The following ARHGAP24 variants were observed in gnomAD, a reference collection of about 807,000 sequenced individuals.
ARHGAP24 encodes the protein rho GTPase-activating protein 24.
ARHGAP24 carries 50 observed loss-of-function variants against 76.4 expected under a neutral mutation model. The observed-to-expected ratio is 0.65, with a 90% CI of 0.52 to 0.83. The LOEUF is 0.83. Among genes scored for constraint, ARHGAP24 ranks in the 40% least tolerant of loss-of-function variants. The probability of loss-of-function intolerance (pLI) is 0.00; values close to 1 mark genes in which losing one functional copy is unlikely to be tolerated. For synonymous variants in ARHGAP24, 345 were observed against 323.3 expected (o/e 1.07, Z -0.72); for missense variants, 930 against 914.2 (o/e 1.02, Z -0.22).
chr4:85,649,839 A>T (rs1721867863), intron 2 of ARHGAP24, among the ~76,000 whole-genome samples: 1 of 152,176 alleles, frequency 6.6e-6, no homozygotes, highest in African/African-American at 2.4e-5. Context: ...TTGTTATTTA[A>T]TAATGATCTT....
intron 3 of ARHGAP24, among the ~76,000 whole-genome samples, chr4:85,895,793 A>G (rs1355105609): frequency 1.3e-5 from 2 of 152,190 alleles, no homozygotes; most frequent in Non-Finnish European, 2.9e-5. Flanking sequence ...AGCCAGCTTC[A>G]GTGCTATTAG....
intron 3 of ARHGAP24, among the ~76,000 whole-genome samples, chr4:85,745,442 A>G (rs1725995587): frequency 1.5e-5 from 2 of 137,524 alleles, no homozygotes; most frequent in South Asian, 4.7e-4. Context: ...ATATACACAT[A>G]TGCTGGGCAT....
intron 6 of ARHGAP24, among the ~76,000 whole-genome samples, chr4:85,972,857 A>G (rs1329297223): frequency 2.6e-5 from 4 of 152,090 alleles, no homozygotes; most frequent in African/African-American, 9.7e-5. Flanking sequence ...GTGTGTGTGC[A>G]CGATTGGCTT....
intron 3 of ARHGAP24, among the ~76,000 whole-genome samples, chr4:85,770,288 C>T (rs1369584569): frequency 6.6e-6 from 1 of 152,136 alleles, no homozygotes. Context: ...AATCTTAATC[C>T]TCAGTGTGTT....
intron 2 of ARHGAP24, among the ~76,000 whole-genome samples, chr4:85,629,176 T>C (rs1371604754): frequency 5.9e-5 from 9 of 152,308 alleles, no homozygotes; most frequent in East Asian, 5.8e-4. Flanking sequence ...GAACCTCTTA[T>C]AGTTATAACA....
chr4:85,963,398 G>T (rs1367654856), intron 5 of ARHGAP24, among the ~76,000 whole-genome samples: 1 of 151,984 alleles, frequency 6.6e-6, no homozygotes, highest in African/African-American at 2.4e-5. Context: ...TAACTGTGTT[G>T]ATTTATTTTG....
intron 3 of ARHGAP24, among the ~76,000 whole-genome samples, chr4:85,813,591 T>C (rs1324744655): frequency 6.6e-6 from 1 of 152,040 alleles, no homozygotes; most frequent in Non-Finnish European, 1.5e-5. Flanking sequence ...CCTAAATAAT[T>C]ATAAGCCCTA....
chr4:85,836,241 G>A (rs565501231), intron 3 of ARHGAP24, among the ~76,000 whole-genome samples: 1 of 152,282 alleles, frequency 6.6e-6, no homozygotes, highest in South Asian at 2.1e-4. Flanking sequence ...TGAAGTGTCA[G>A]GGAAATGTCC....
At chr4:85,824,469 C>T (rs1729618985) in intron 3 of ARHGAP24, among the ~76,000 whole-genome samples, 1 of 152,200 alleles carries the variant, frequency 6.6e-6, no homozygotes, top group Admixed American at 6.5e-5. Flanking sequence ...TCATGAGTAT[C>T]TGTGTGAAAT....
intron 2 of ARHGAP24, among the ~76,000 whole-genome samples, chr4:85,679,270 A>C (rs980999678): frequency 6.6e-6 from 1 of 152,070 alleles, no homozygotes; most frequent in African/African-American, 2.4e-5. Flanking sequence ...TCTTTCCTAG[A>C]CCTGGACAAG....
intron 5 of ARHGAP24, among the ~76,000 whole-genome samples, chr4:85,967,459 A>T (rs1738685306): frequency 6.6e-6 from 1 of 152,186 alleles, no homozygotes; most frequent in Non-Finnish European, 1.5e-5. Flanking sequence ...TAAGTCAATC[A>T]TAGGAAGCCT....
At chr4:85,794,784 A>T (rs1728277794) in intron 3 of ARHGAP24, among the ~76,000 whole-genome samples, 1 of 152,212 alleles carries the variant, frequency 6.6e-6, no homozygotes, top group South Asian at 2.1e-4. Context: ...CCCGACCTGC[A>T]AATCCTTTTA....
At chr4:85,751,212 A>G (rs1186132808) in intron 3 of ARHGAP24, among the ~76,000 whole-genome samples, 1 of 152,220 alleles carries the variant, frequency 6.6e-6, no homozygotes, top group Non-Finnish European at 1.5e-5. Flanking sequence ...GATTTTAGAT[A>G]TCTTTTTATA....
At chr4:85,820,657 C>T (rs1729429475) in intron 3 of ARHGAP24, among the ~76,000 whole-genome samples, 1 of 152,064 alleles carries the variant, frequency 6.6e-6, no homozygotes. Flanking sequence ...CATATTTGCT[C>T]AATAGTAATA....
chr4:85,580,030 C>T (rs946551809), intron 2 of ARHGAP24, among the ~76,000 whole-genome samples: 7 of 151,934 alleles, frequency 4.6e-5, no homozygotes, highest in African/African-American at 9.7e-5. Flanking sequence ...GGAACTATGC[C>T]GATCATTTTT....
chr4:85,612,690 A>G (rs535983971), intron 2 of ARHGAP24, among the ~76,000 whole-genome samples: 26 of 151,984 alleles, frequency 1.7e-4, no homozygotes, highest in African/African-American at 6.0e-4. Flanking sequence ...ACTCACATTT[A>G]ATGAATTAAC....
chr4:85,523,883 G>T (rs145407248), intron 1 of ARHGAP24, among the ~76,000 whole-genome samples: 7 of 151,890 alleles, frequency 4.6e-5, no homozygotes, highest in Admixed American at 1.3e-4. Context: ...TCTTTACAAC[G>T]GAGTTAAAAT....
chr4:85,650,772 C>G (rs1721909729), intron 2 of ARHGAP24, among the ~76,000 whole-genome samples: 1 of 149,148 alleles, frequency 6.7e-6, no homozygotes, highest in Admixed American at 6.6e-5. Context: ...ATATAGGATT[C>G]AAACTGAATA....
At chr4:85,943,866 G>A (rs779353593) in intron 5 of ARHGAP24, among the ~76,000 whole-genome samples, 13 of 151,406 alleles carry the variant, frequency 8.6e-5, no homozygotes, top group Non-Finnish European at 1.3e-4. Flanking sequence ...TCATTGATGG[G>A]CATTTGGGTT....
Sources: allele counts gnomAD v4.1 joint callset (sites outside exome capture counted in the v4.1 genomes callset), GRCh38; gene constraint gnomAD v4.1.1; transcripts MANE v1.5; gene names NCBI Gene and HGNC (gene_info 2026-07-23, HGNC 2026-07-21).